The following SEC24B variants were observed in gnomAD, a reference collection of about 807,000 sequenced individuals.
SEC24B encodes the protein protein transport protein Sec24B.
A neutral mutation model predicts 142.8 loss-of-function variants in SEC24B; 45 were observed. The observed-to-expected ratio is 0.32, with a 90% CI of 0.25 to 0.40. SEC24B has a LOEUF of 0.40. Ranked by LOEUF, SEC24B falls within the 10% of genes least tolerant of loss-of-function variation. The probability of loss-of-function intolerance (pLI) is 1.00; values close to 1 mark genes in which losing one functional copy is unlikely to be tolerated. For synonymous variants in SEC24B, 574 were observed against 568.2 expected, an observed-to-expected ratio of 1.01 and a Z score of -0.15; for missense variants, 1,409 against 1,526.8, an observed-to-expected ratio of 0.92 and a Z score of 1.29.
intron 3 of SEC24B, among the ~76,000 whole-genome samples, chr4:109,473,836 G>A (rs1208563908): frequency 6.6e-6 from 1 of 152,050 alleles, no homozygotes; most frequent in Non-Finnish European, 1.5e-5. Context: ...TGATGTTTCA[G>A]GTTAATATAT....
At chr4:109,493,636 T>A (rs1177695251) in intron 5 of SEC24B, among the ~76,000 whole-genome samples, 1 of 152,072 alleles carries the variant, frequency 6.6e-6, no homozygotes, top group Non-Finnish European at 1.5e-5. Flanking sequence ...ACTACCTTTT[T>A]TTTTTTTTTT....
chr4:109,458,875 A>G (rs1279424803), intron 1 of SEC24B, among the ~76,000 whole-genome samples: 1 of 152,050 alleles, frequency 6.6e-6, no homozygotes, highest in African/African-American at 2.4e-5. Flanking sequence ...TGTGATAAGA[A>G]AAGTACTTCT....
rs1159899776 is a variant in SEC24B at position 109,473,046 on chromosome 4, C to T, written c.920C>T (p.Pro307Leu). 3 of 1,590,730 alleles carry T rather than the reference C, an allele frequency of 1.9e-6. No individual in the cohort carries two copies. Among genetic ancestry groups the T allele is most frequent in the African/African-American group, 2.7e-5 (2 of 73,946 alleles). The part of the protein sequence containing the change: ...LSCPVMQNVQ[P>L]PKSSPVVSTV... ...TGTCCTGTTATGCAAAATGTTCAGC[C>T]TCCCAAGTCCAGCCCAGTGGTATCC... Residue 307 changes from proline to leucine, a missense_variant, in exon 3 of 24, where the codon CCT becomes CTT. By Grantham distance (98) the Pro-to-Leu change is moderately conservative (BLOSUM62 -3). Coordinates refer to ENST00000265175, the MANE Select transcript of SEC24B (RefSeq NM_006323.5).
At chr4:109,470,614 A>G (rs1336235980) in intron 2 of SEC24B, among the ~76,000 whole-genome samples, 1 of 152,218 alleles carries the variant, frequency 6.6e-6, no homozygotes, top group Non-Finnish European at 1.5e-5. Flanking sequence ...GCTCTGCCCT[A>G]GGGAAACTTG....
intron 1 of SEC24B, among the ~76,000 whole-genome samples, chr4:109,451,701 T>C (rs1730107618): frequency 6.6e-6 from 1 of 152,204 alleles, no homozygotes. Context: ...AACCAAGAAC[T>C]GGGTGTTGGA....
At chr4:109,514,297 A>G (rs1323087173) in intron 10 of SEC24B, among the ~76,000 whole-genome samples, 1 of 152,168 alleles carries the variant, frequency 6.6e-6, no homozygotes, top group Non-Finnish European at 1.5e-5. Flanking sequence ...CTCTTCTTTA[A>G]TTATATGAAC....
chr4:109,468,186 CTA>C (rs745331630), intron 2 of SEC24B, among the ~76,000 whole-genome samples: 1 of 152,168 alleles, frequency 6.6e-6, no homozygotes, highest in East Asian at 1.9e-4. Flanking sequence ...GTACAAGAGA[CTA>C]TTTTTAGTTT....
rs748988971 is a variant in SEC24B, at chr4:109,520,418, A to G, written c.2179A>G (p.Ile727Val). Residue 727 changes from isoleucine (I) to valine (V), a missense_variant, in exon 12 of 24, where the codon ATT (isoleucine) becomes GTT (valine). This residue lies in a region of SEC24B where 700 missense variants were observed against 853.3 expected (regional missense o/e 0.82). Transcript: ENST00000265175. ...AGGATTCATGACCTTTGATAGCACT[A>G]TTCATTTCTACAATTTACAAGAAGG... ...RIGFMTFDSTIHFYNLQEGLS... is the reference protein window; with the variant it reads ...RIGFMTFDSTVHFYNLQEGLS... 4 of 1,612,614 alleles carry G rather than the reference A, an allele frequency of 2.5e-6. No individual in the cohort carries two copies. The highest frequency in any genetic ancestry group is 1.1e-5 in the South Asian group (1 of 91,028).
At chr4:109,455,335 C>T (rs187597173) in intron 1 of SEC24B, among the ~76,000 whole-genome samples, 195 of 152,056 alleles carry the variant, frequency 1.3e-3, no homozygotes, top group East Asian at 3.9e-3. Context: ...CTCCAAGCTC[C>T]GCCTCCCAGG....
intron 6 of SEC24B, among the ~76,000 whole-genome samples, chr4:109,500,441 G>A (rs1735997723): frequency 6.6e-6 from 1 of 151,448 alleles, no homozygotes; most frequent in Admixed American, 6.6e-5. Context: ...CTACTAGGGA[G>A]GCTGAAGCAG....
At chr4:109,518,029 G>A (rs1417657549) in intron 11 of SEC24B, among the ~76,000 whole-genome samples, 3 of 151,760 alleles carry the variant, frequency 2.0e-5, no homozygotes, top group Non-Finnish European at 4.4e-5. Flanking sequence ...GTGCAGTGGC[G>A]CGATCTCAGC....
In SEC24B at chr4:109,449,471, A is replaced by G. The variant is rs1008136843; in HGVS notation, c.134-13430A>G. The G allele has an allele frequency of 1.8e-5, 8 of 453,866 alleles. No individual in the cohort carries two copies. The East Asian group carries it at 2.1e-4, about 12-fold the overall frequency. 28.1% of individuals were successfully genotyped at this position (453,866 alleles called of 1,614,324 possible). A position where few individuals can be genotyped will look rare whatever the true frequency, so the allele number is the denominator to read the frequency against. On this transcript the variant is annotated intron_variant, in intron 1 of 23. Coordinates refer to ENST00000265175, the MANE Select transcript of SEC24B (RefSeq NM_006323.5). ...AGTCTTGAACTCCTGGACCCAAGCA[A>G]TCTGCCCGCCTCGGCCTCCCAAATT...
At chr4:109,487,196 T>C (rs976366869) in intron 4 of SEC24B, among the ~76,000 whole-genome samples, 2 of 151,268 alleles carry the variant, frequency 1.3e-5, no homozygotes, top group Non-Finnish European at 2.9e-5. Context: ...AAAAGTGTAT[T>C]AATTCAGGAT....
intron 1 of SEC24B, among the ~76,000 whole-genome samples, chr4:109,446,878 C>T (rs1729521596): frequency 6.6e-6 from 1 of 152,074 alleles, no homozygotes; most frequent in African/African-American, 2.4e-5. Flanking sequence ...TAATAGTTTC[C>T]ATCAGCCAGC....
chr4:109,473,097 C>T lies in SEC24B; in HGVS notation c.971C>T (p.Ser324Phe), dbSNP rs1578834068. 1.9e-6 allele frequency: 3 copies of T among 1,602,226 alleles called. No homozygotes were observed. The highest frequency in any genetic ancestry group is 2.3e-5 in the East Asian group (1 of 43,878). The part of the protein sequence containing the change: ...VSTVLSGSSG[S>F]SSTRTPPTAN... ...ACTGTTTTATCAGGATCCTCAGGAT[C>T]CTCATCAACAAGAACACCTCCCACT... Residue 324 changes from serine to phenylalanine, a missense_variant, in exon 3 of 24, where the codon TCC (serine) becomes TTC (phenylalanine). Around this residue, in one of 2 missense-constraint regions of SEC24B, gnomAD observed 709 missense variants for 673.5 expected, o/e 1.05. Coordinates refer to ENST00000265175, the MANE Select transcript of SEC24B (RefSeq NM_006323.5).
chr4:109,450,909 G>C (rs1022291336), intron 1 of SEC24B: 2 of 151,904 alleles, frequency 1.3e-5, no homozygotes, highest in Non-Finnish European at 2.9e-5. Context: ...AGGTAACCTG[G>C]TGGTCCCCTG....
In SEC24B at chr4:109,522,057, G is replaced by GTT. The variant is rs70949095; in HGVS notation, c.2508+442_2508+443dup. Among the ~76,000 whole-genome samples the GTT allele has an allele frequency of 3.3e-3, 422 of 126,974 alleles. 2 individuals carry two copies. Among genetic ancestry groups the GTT allele is most frequent in the African/African-American group, 0.012 (409 of 35,106 alleles). The allele number at this position is 126,974 out of a possible 152,430, so 83.3% of individuals were successfully genotyped here. A position where few individuals can be genotyped will look rare whatever the true frequency, so the allele number is the denominator to read the frequency against. On this transcript the variant is annotated intron_variant, in intron 14 of 23. Transcript: ENST00000265175. ...CCTGAGAGTTTTTTGTTTTGTTTTT[G>GTT]TTTTTTTTTTTTGAGACGGAGTCTT...
Position 109,494,873 on chromosome 4 carries a change from A to G in SEC24B, c.1488+17A>G, listed in dbSNP as rs1268752965. On this transcript the variant is annotated intron_variant, in intron 6 of 23. Coordinates refer to ENST00000265175, the MANE Select transcript of SEC24B (RefSeq NM_006323.5). ...TATCCTCAAGTATGTATTCAGTCAT[A>G]TACACACATTGTAACAGTTATAAAA... 6.2e-7 allele frequency: 1 copy of G among 1,612,842 alleles called. No homozygotes were observed. Among genetic ancestry groups the G allele is most frequent in the Non-Finnish European group, 8.5e-7 (1 of 1,178,894 alleles).
In SEC24B at chr4:109,520,469, G is replaced by A. The variant is rs1310287573; in HGVS notation, c.2230G>A (p.Val744Met). 6 of 1,595,354 alleles carry A rather than the reference G, an allele frequency of 3.8e-6. No homozygotes were observed. The highest frequency in any genetic ancestry group is 3.4e-6 in the Non-Finnish European group (4 of 1,163,396). Residue 744 changes from valine to methionine, a missense_variant, in exon 12 of 24, where the codon GTG becomes ATG. By Grantham distance (21) the Val-to-Met change is conservative. Transcript: ENST00000265175. ...ATTATCACAGCCTCAAATGTTGATTGTGTCTGATATAGATGGTAAGCAGTC... is the reference window on the plus strand; with the variant it reads ...ATTATCACAGCCTCAAATGTTGATTATGTCTGATATAGATGGTAAGCAGTC... ...EGLSQPQMLI[V>M]SDIDDVFLPT...
Sources: allele counts gnomAD v4.1 joint callset (sites outside exome capture counted in the v4.1 genomes callset), GRCh38; gene constraint gnomAD v4.1.1; regional missense constraint gnomAD v4.1.1; transcripts MANE v1.5; gene names NCBI Gene and HGNC (gene_info 2026-07-23, HGNC 2026-07-21).